The following PRKACB variants were observed in gnomAD, a reference collection of about 807,000 sequenced individuals.
PRKACB encodes the protein protein kinase cAMP-activated catalytic subunit beta.
A neutral mutation model predicts 51.4 loss-of-function variants in PRKACB; 16 were observed. That is an observed-to-expected ratio of 0.31 (90% CI 0.21 to 0.47). The LOEUF (loss-of-function observed/expected upper bound fraction) is 0.47. Among genes scored for constraint, PRKACB ranks in the 20% least tolerant of loss-of-function variants. The pLI, the probability that PRKACB is intolerant of heterozygous loss-of-function variation, is 1.00. For missense variants in PRKACB, 309 were observed against 464.5 expected (o/e 0.67, Z 3.08); for synonymous variants, 147 against 154.4 (o/e 0.95, Z 0.35).
At chr1:84,082,209 G>C (rs1647592045) in intron 1 of PRKACB, among the ~76,000 whole-genome samples, 1 of 152,154 alleles carries the variant, frequency 6.6e-6, no homozygotes, top group African/African-American at 2.4e-5. Flanking sequence ...TGAGGCAACT[G>C]TAACCTCAGA....
chr1:84,090,453 T>G (rs1255168340), intron 1 of PRKACB, among the ~76,000 whole-genome samples: 1 of 152,170 alleles, frequency 6.6e-6, no homozygotes, highest in Non-Finnish European at 1.5e-5. Flanking sequence ...AAGTAAGTAA[T>G]TTGGGCAGAG....
chr1:84,111,828 G>GATATATATATATAT lies in PRKACB; in HGVS notation c.46+33469_46+33470insATATATATATATAT, dbSNP rs569118584. Among the ~76,000 whole-genome samples, 176 of 151,808 alleles carry GATATATATATATAT rather than the reference G, an allele frequency of 1.2e-3. 1 individual carries two copies. The highest frequency in any genetic ancestry group is 4.1e-3 in the African/African-American group (171 of 41,400). On this transcript the variant is annotated intron_variant, in intron 1 of 8. Coordinates refer to the PRKACB transcript ENST00000370688. The stretch of plus-strand genomic sequence containing the variant: ...GACATAACAACTAAATGCAAGACCT[G>GATATATATATATAT]ATATATATATATGACTGCAAAAGCA...
At chr1:84,096,701 A>G (rs1338680210) in intron 1 of PRKACB, among the ~76,000 whole-genome samples, 4 of 152,090 alleles carry the variant, frequency 2.6e-5, no homozygotes, top group African/African-American at 7.2e-5. Context: ...TTTTTTATAT[A>G]TCACTTTATT....
At chr1:84,131,024 A>G (rs908051542) in intron 1 of PRKACB, among the ~76,000 whole-genome samples, 7 of 152,150 alleles carry the variant, frequency 4.6e-5, no homozygotes, top group African/African-American at 1.7e-4. Flanking sequence ...AAGAGAACCA[A>G]ATGTCTGTAA....
intron 1 of PRKACB, among the ~76,000 whole-genome samples, chr1:84,101,217 T>A (rs927302343): frequency 4.6e-5 from 7 of 152,224 alleles, no homozygotes; most frequent in Admixed American, 1.3e-4. Context: ...AATCACAGGC[T>A]GAAGCTGTAC....
At chr1:84,163,574 C>G (rs1656559818) in intron 1 of PRKACB, among the ~76,000 whole-genome samples, 1 of 152,102 alleles carries the variant, frequency 6.6e-6, no homozygotes, top group East Asian at 1.9e-4. Context: ...AAGTACTCTC[C>G]TGACTGAGCT....
At chr1:84,132,190 A>G (rs1652293418) in intron 1 of PRKACB, among the ~76,000 whole-genome samples, 1 of 152,152 alleles carries the variant, frequency 6.6e-6, no homozygotes, top group Non-Finnish European at 1.5e-5. Context: ...AAAATTATAG[A>G]CTGTATTTCA....
intron 1 of PRKACB, among the ~76,000 whole-genome samples, chr1:84,122,288 A>T (rs552915074): frequency 4.9e-4 from 74 of 152,322 alleles, no homozygotes; most frequent in African/African-American, 1.6e-3. Flanking sequence ...AAAAATAAAA[A>T]TAACCATGTT....
intron 1 of PRKACB, among the ~76,000 whole-genome samples, chr1:84,095,396 A>G (rs1648853452): frequency 6.6e-6 from 1 of 151,876 alleles, no homozygotes; most frequent in Non-Finnish European, 1.5e-5. Context: ...TCACTTTTTC[A>G]GGATATATTT....
chr1:84,177,651 C>T (rs567834902), intron 1 of PRKACB, among the ~76,000 whole-genome samples: 48 of 151,778 alleles, frequency 3.2e-4, no homozygotes, highest in Non-Finnish European at 4.4e-4. Flanking sequence ...CTGAGGCAGA[C>T]GGATTGCTTG....
chr1:84,134,280 G>C (rs1232952627), intron 1 of PRKACB, among the ~76,000 whole-genome samples: 1 of 152,186 alleles, frequency 6.6e-6, no homozygotes, highest in Non-Finnish European at 1.5e-5. Context: ...CAACATTCAA[G>C]TGAGAAAACA....
intron 1 of PRKACB, among the ~76,000 whole-genome samples, chr1:84,119,261 T>C (rs749366263): frequency 1.6e-4 from 25 of 152,172 alleles, no homozygotes; most frequent in Non-Finnish European, 3.2e-4. Flanking sequence ...TCAAATATCA[T>C]AGAAGAGCAT....
At chr1:84,137,629 G>C (rs1238458686) in intron 1 of PRKACB, among the ~76,000 whole-genome samples, 1 of 152,180 alleles carries the variant, frequency 6.6e-6, no homozygotes, top group Non-Finnish European at 1.5e-5. Context: ...GAAATGTGTT[G>C]ACTTAAGTTA....
chr1:84,079,997 GTAAC>G (rs1431752501), intron 1 of PRKACB, among the ~76,000 whole-genome samples: 2 of 152,130 alleles, frequency 1.3e-5, no homozygotes, highest in African/African-American at 2.4e-5. Context: ...CACAAATATA[GTAAC>G]TAACTGTGCA....
intron 9 of PRKACB, among the ~76,000 whole-genome samples, chr1:84,218,598 A>G (rs985542668): frequency 6.6e-6 from 1 of 152,216 alleles, no homozygotes; most frequent in African/African-American, 2.4e-5. Context: ...GCTATTATGC[A>G]TAGTGCTGCA....
intron 1 of PRKACB, among the ~76,000 whole-genome samples, chr1:84,112,045 T>C (rs949483733): frequency 6.6e-6 from 1 of 152,088 alleles, no homozygotes; most frequent in Admixed American, 6.6e-5. Context: ...ATTATATTAA[T>C]AAGAAACCAA....
At chr1:84,135,154 C>A (rs1222702718) in intron 1 of PRKACB, among the ~76,000 whole-genome samples, 1 of 152,008 alleles carries the variant, frequency 6.6e-6, no homozygotes, top group African/African-American at 2.4e-5. Flanking sequence ...AACTTCAGAG[C>A]AATAAACATC....
upstream of PRKACB, among the ~76,000 whole-genome samples, chr1:84,141,094 C>G (rs928531311): frequency 3.9e-5 from 6 of 151,958 alleles, no homozygotes. Flanking sequence ...GCTGGTTCAA[C>G]TCTGAAAATT....
chr1:84,232,612 T>A (rs1299910520), intron 9 of PRKACB, among the ~76,000 whole-genome samples: 1 of 152,198 alleles, frequency 6.6e-6, no homozygotes, highest in African/African-American at 2.4e-5. Context: ...TGGGTGCATA[T>A]ATATTTAGGA....
Sources: gnomAD v4.1 joint callset for allele counts (sites outside exome capture counted in the v4.1 genomes callset) on GRCh38, gnomAD v4.1.1 for gene constraint, MANE v1.5 for transcripts, NCBI Gene and HGNC (gene_info 2026-07-23, HGNC 2026-07-21) for gene names.